ATRNL1: variants seen among roughly 807,000 people sequenced by gnomAD.
ATRNL1 encodes attractin-like protein 1.
A neutral mutation model predicts 182.7 loss-of-function variants in ATRNL1; 95 were observed. The observed-to-expected ratio is 0.52, with a 90% CI of 0.44 to 0.62. The LOEUF (loss-of-function observed/expected upper bound fraction) is 0.62. Among genes scored for constraint, ATRNL1 ranks in the 20% least tolerant of loss-of-function variants. The probability of loss-of-function intolerance (pLI) is 0.00; values close to 1 mark genes in which losing one functional copy is unlikely to be tolerated. For synonymous variants in ATRNL1, 576 were observed against 568.3 expected (o/e 1.01, Z -0.19); for missense variants, 1,471 against 1,679.5 (o/e 0.88, Z 2.17).
chr10:115,327,868 A>T (rs1554933874), intron 18 of ATRNL1, among the ~76,000 whole-genome samples: 2 of 151,204 alleles, frequency 1.3e-5, no homozygotes, highest in African/African-American at 2.4e-5. Context: ...TCTCACTCAT[A>T]GGTGGGAATT....
chr10:115,628,243 A>C (rs895663139), intron 26 of ATRNL1, among the ~76,000 whole-genome samples: 1 of 151,998 alleles, frequency 6.6e-6, no homozygotes, highest in African/African-American at 2.4e-5. Flanking sequence ...CATTTTTGCC[A>C]TCACTTATTT....
intron 24 of ATRNL1, among the ~76,000 whole-genome samples, chr10:115,482,126 G>T (rs1218328254): frequency 6.6e-6 from 1 of 150,738 alleles, no homozygotes; most frequent in Non-Finnish European, 1.5e-5. Flanking sequence ...GATAATAAAG[G>T]TATATGTGAC....
intron 27 of ATRNL1, among the ~76,000 whole-genome samples, chr10:115,845,162 G>GAATAATT (rs1950898817): frequency 6.6e-6 from 1 of 151,890 alleles, no homozygotes; most frequent in Admixed American, 6.6e-5. Flanking sequence ...TCATATTTTT[G>GAATAATT]CTAATATCCT....
At position 115,462,639 on chromosome 10, in the gene ATRNL1, G is replaced by T. The variant is rs562034568; in HGVS notation, c.3417+604G>T. Among the ~76,000 whole-genome samples the T allele has an allele frequency of 3.9e-5, 6 of 151,910 alleles. 2 individuals carry two copies. The South Asian group carries it at 1.2e-3, about 32-fold the overall frequency. ...AAATAAATAAATAAATAAAACTAAT[G>T]AATTCAAAGCATACTATATTAAATG... On this transcript the variant is annotated intron_variant, in intron 22 of 28. Coordinates refer to ENST00000355044, the MANE Select transcript of ATRNL1 (RefSeq NM_207303.4).
chr10:115,883,567 T>C (rs569934535), intron 28 of ATRNL1, among the ~76,000 whole-genome samples: 16 of 152,390 alleles, frequency 1.0e-4, no homozygotes, highest in African/African-American at 3.8e-4. Flanking sequence ...AAACTACTGC[T>C]ACATGCAGCA....
At chr10:115,540,152 A>T (rs2420086) in intron 25 of ATRNL1, among the ~76,000 whole-genome samples, 136,100 of 147,370 alleles carry the variant, frequency 0.92, 63,003 homozygotes, top group East Asian at 0.99. Context: ...TAAATAAATA[A>T]ATATATAGTG....
chr10:115,673,994 A>G (rs961593544), intron 26 of ATRNL1, among the ~76,000 whole-genome samples: 3 of 152,058 alleles, frequency 2.0e-5, no homozygotes, highest in Admixed American at 2.0e-4. Flanking sequence ...CCAGCACTAC[A>G]CTTAATACAT....
intron 26 of ATRNL1, among the ~76,000 whole-genome samples, chr10:115,675,669 C>T (rs1288987212): frequency 3.9e-5 from 6 of 152,114 alleles, no homozygotes; most frequent in African/African-American, 1.4e-4. Context: ...TGCAAAAGGC[C>T]ATAGGACTTC....
chr10:115,129,457 G>A lies in ATRNL1; in HGVS notation c.751G>A (p.Ala251Thr). ...AGCTTGTGATATTCCTTACTGTAAA[G>A]CCAATTGCGGCAGTCCAGATCACGG... ...GEACDIPYCKANCGSPDHGYC... is the reference protein window; with the variant it reads ...GEACDIPYCKTNCGSPDHGYC... Residue 251 changes from alanine to threonine, a missense_variant, in exon 5 of 29, where the codon GCC (alanine) becomes ACC (threonine). This residue lies in a region of ATRNL1 where 1,031 missense variants were observed against 1,156.0 expected (regional missense o/e 0.89). Transcript: ENST00000355044. 6.2e-7 allele frequency: 1 copy of A among 1,614,126 alleles called. No homozygotes were observed.
intron 18 of ATRNL1, among the ~76,000 whole-genome samples, chr10:115,327,431 AAAC>A (rs1458247575): frequency 2.6e-5 from 4 of 152,156 alleles, no homozygotes; most frequent in African/African-American, 9.7e-5. Flanking sequence ...AAAAGTCAGG[AAAC>A]AACAGGTGCT....
intron 20 of ATRNL1, among the ~76,000 whole-genome samples, chr10:115,412,321 G>C (rs1208984603): frequency 5.3e-5 from 8 of 152,156 alleles, no homozygotes; most frequent in African/African-American, 1.7e-4. Context: ...CATATGCCTA[G>C]TTAGTCCTCT....
intron 28 of ATRNL1, among the ~76,000 whole-genome samples, chr10:115,887,260 A>G (rs1318071102): frequency 6.6e-6 from 1 of 152,160 alleles, no homozygotes; most frequent in African/African-American, 2.4e-5. Flanking sequence ...CCCAAACACA[A>G]TATGTTTGTC....
chr10:115,357,376 CTA>C (rs201314139), intron 19 of ATRNL1, among the ~76,000 whole-genome samples: 1,957 of 151,956 alleles, frequency 0.013, 35 homozygotes, highest in African/African-American at 0.044. Context: ...CAAAACCAAA[CTA>C]AATTCCAATT....
intron 26 of ATRNL1, among the ~76,000 whole-genome samples, chr10:115,712,289 A>C (rs534208433): frequency 9.2e-5 from 14 of 152,338 alleles, no homozygotes; most frequent in Admixed American, 6.5e-4. Context: ...AAGCAGACCA[A>C]TTCCTACCCT....
chr10:115,333,944 C>T (rs1855358730), intron 18 of ATRNL1, among the ~76,000 whole-genome samples: 1 of 151,862 alleles, frequency 6.6e-6, no homozygotes, highest in African/African-American at 2.4e-5. Context: ...AGTATTTAGC[C>T]TTGTGTTTAT....
chr10:115,426,118 T>C (rs1845874356), intron 20 of ATRNL1, 132 bp from the exon 21 acceptor site: 1 of 608,394 alleles, frequency 1.6e-6, no homozygotes, highest in Non-Finnish European at 2.8e-6. Flanking sequence ...AGATGTGTTT[T>C]TGAAATTTCA....
intron 11 of ATRNL1, 56 bp from the exon 12 acceptor site, chr10:115,266,741 A>G: frequency 1.0e-6 from 1 of 976,946 alleles, no homozygotes; most frequent in Non-Finnish European, 1.5e-6. Flanking sequence ...TAACTAAATC[A>G]GTAGATAGGG....
intron 8 of ATRNL1, among the ~76,000 whole-genome samples, chr10:115,178,104 A>G (rs1311376934): frequency 6.6e-6 from 1 of 151,290 alleles, no homozygotes; most frequent in Non-Finnish European, 1.5e-5. Flanking sequence ...TTTTTAGTAG[A>G]GATGGGGTTT....
At position 115,567,994 on chromosome 10, in the gene ATRNL1, G is replaced by A. The variant is rs374974208; in HGVS notation, c.3795+18458G>A. Among the ~76,000 whole-genome samples, 41 of 152,062 alleles carry A rather than the reference G, an allele frequency of 2.7e-4. 1 individual carries two copies. The South Asian group carries it at 8.1e-3, about 30-fold the overall frequency. On this transcript the variant is annotated intron_variant, in intron 26 of 28. Coordinates refer to ENST00000355044, the MANE Select transcript of ATRNL1 (RefSeq NM_207303.4). ...ATCTAGTTGTTATTCTACTTAATAC[G>A]TCTAATTATTGTGCTTAGAATTACT...
Sources: gnomAD v4.1 joint callset for allele counts (sites outside exome capture counted in the v4.1 genomes callset) on GRCh38, gnomAD v4.1.1 for gene constraint, gnomAD v4.1.1 regional missense constraint, MANE v1.5 for transcripts, NCBI Gene and HGNC (gene_info 2026-07-23, HGNC 2026-07-21) for gene names.